TTC39B: variants seen among roughly 807,000 people sequenced by gnomAD.
TTC39B encodes tetratricopeptide repeat protein 39B.
TTC39B carries 92 observed loss-of-function variants against 96.6 expected under a neutral mutation model. The observed-to-expected ratio is 0.95, with a 90% CI of 0.80 to 1.13. The LOEUF is 1.13. TTC39B is among the 50% of genes most tolerant of loss of function. The pLI, the probability that TTC39B is intolerant of heterozygous loss-of-function variation, is 0.00. For synonymous variants in TTC39B, 367 were observed against 299.4 expected, an observed-to-expected ratio of 1.23 and a Z score of -2.33; for missense variants, 955 against 809.3, an observed-to-expected ratio of 1.18 and a Z score of -2.18.
intron 2 of TTC39B, chr9:15,249,870 A>T (rs756112177): frequency 8.4e-7 from 1 of 1,186,098 alleles, no homozygotes; most frequent in South Asian, 1.6e-5. Flanking sequence ...TAAAGAGAAC[A>T]TTTGAATCAT....
At chr9:15,239,611 G>C (rs142112835) in intron 2 of TTC39B, among the ~76,000 whole-genome samples, 1 of 152,128 alleles carries the variant, frequency 6.6e-6, no homozygotes, top group East Asian at 1.9e-4. Context: ...TCATCTTTGC[G>C]GCAACTTGAA....
chr9:15,283,765 G>A lies in TTC39B; in HGVS notation c.241-15817C>T, dbSNP rs1352874592. ...TTTATTATTCAGTTACGATTTTACA[G>A]TAGAGAGAAAATATTTAATAACTGA... On this transcript the variant is annotated intron_variant, in intron 1 of 19. Transcript: ENST00000512701. Among the ~76,000 whole-genome samples, 3 of 152,214 alleles carry A rather than the reference G, an allele frequency of 2.0e-5. No individual in the cohort carries two copies. In the East Asian group the frequency reaches 5.8e-4, roughly 29 times the overall value.
At chr9:15,185,500 C>A in intron 15 of TTC39B, 94 bp from the exon 16 acceptor site, 1 of 1,476,448 alleles carries the variant, frequency 6.8e-7, no homozygotes, top group African/African-American at 1.4e-5. Context: ...CACAGACCAC[C>A]AGCAGCAGCA....
exon 20 of TTC39B, chr9:15,169,465 G>A (rs1313425223): frequency 6.6e-6 from 1 of 151,712 alleles, no homozygotes; most frequent in Non-Finnish European, 1.5e-5. Context: ...AGGCAATTAT[G>A]CCAGGAACTA....
At chr9:15,276,708 T>C (rs1823557026) in intron 1 of TTC39B, among the ~76,000 whole-genome samples, 1 of 152,228 alleles carries the variant, frequency 6.6e-6, no homozygotes, top group African/African-American at 2.4e-5. Flanking sequence ...AGGTTAGACC[T>C]GTCTGGGACT....
intron 17 of TTC39B, among the ~76,000 whole-genome samples, chr9:15,179,932 G>A (rs1019857142): frequency 7.9e-5 from 12 of 152,138 alleles, no homozygotes; most frequent in Non-Finnish European, 1.6e-4. Context: ...TATTTCCTCC[G>A]ACTACAGACC....
At chr9:15,207,527 G>C (rs1819933875) in intron 6 of TTC39B, among the ~76,000 whole-genome samples, 2 of 152,088 alleles carry the variant, frequency 1.3e-5, no homozygotes, top group African/African-American at 2.4e-5. Flanking sequence ...TTGTGGCTTA[G>C]GGAAAGGCAG....
rs1398895625 is a variant in TTC39B at position 15,177,591 on chromosome 9, G to C, written c.1841+106C>G. 4 of 721,254 alleles carry C rather than the reference G, an allele frequency of 5.5e-6. No individual in the cohort carries two copies. The African/African-American group carries it at 7.2e-5, about 13-fold the overall frequency. The allele number at this position is 721,254 out of a possible 1,614,324, so 44.7% of individuals were successfully genotyped here. ...TGGATTTTCTTTCTGGTAACACCAA[G>C]TAAGAGTTTAGCAGTAAGAGATAAA... On this transcript the variant is annotated intron_variant, in intron 18 of 19. Transcript: ENST00000512701.
exon 20 of TTC39B, chr9:15,164,889 C>G (rs907570318): frequency 6.6e-6 from 1 of 152,138 alleles, no homozygotes; most frequent in African/African-American, 2.4e-5. Flanking sequence ...AAAGAGAACC[C>G]AACAGTGCTT....
intron 2 of TTC39B, chr9:15,250,228 G>C (rs1449141932): frequency 9.2e-7 from 1 of 1,090,344 alleles, no homozygotes; most frequent in East Asian, 7.9e-5. Context: ...TGCAGGAAGG[G>C]ATGCCGGGAG....
At chr9:15,173,018 G>A (rs920242570) in intron 19 of TTC39B, among the ~76,000 whole-genome samples, 15 of 152,130 alleles carry the variant, frequency 9.9e-5, no homozygotes, top group African/African-American at 3.6e-4. Context: ...TAATAGTCTT[G>A]GAATTACTGG....
chr9:15,210,212 C>T, intron 5 of TTC39B, 48 bp from the exon 6 acceptor site: 1 of 1,256,386 alleles, frequency 8.0e-7, no homozygotes, highest in South Asian at 1.3e-5. Flanking sequence ...AAAAAAAAAT[C>T]AGGCTGAGCT....
intron 4 of TTC39B, among the ~76,000 whole-genome samples, chr9:15,213,925 A>C (rs1237645816): frequency 6.6e-6 from 1 of 152,226 alleles, no homozygotes; most frequent in African/African-American, 2.4e-5. Flanking sequence ...GAGAGATTAA[A>C]ATATGCAAAA....
chr9:15,199,993 TGTTTGTGTGATTAGAAAAACAAAAAC>T lies in TTC39B; in HGVS notation c.760-94_760-69del. 4.7e-6 allele frequency: 4 copies of T among 858,388 alleles called. No homozygotes were observed. In the Middle Eastern group the frequency reaches 7.1e-4, roughly 152 times the overall value. The allele number at this position is 858,388 out of a possible 1,614,324, so 53.2% of individuals were successfully genotyped here. A position where few individuals can be genotyped will look rare whatever the true frequency, so the allele number is the denominator to read the frequency against. On this transcript the variant is annotated intron_variant, in intron 7 of 19. Transcript: ENST00000512701. ...ATTTTAAATTGTCCCCACAGTTGTG[TGTTTGTGTGATTAGAAAAACAAAAAC>T]AAACAAACAAAAAAAAGTATTTTGA...
chr9:15,213,948 T>G (rs879284621), intron 4 of TTC39B, among the ~76,000 whole-genome samples, 191 bp downstream of exon 4: 5 of 152,186 alleles, frequency 3.3e-5, no homozygotes, highest in Admixed American at 2.0e-4. Flanking sequence ...ATCAGAAATT[T>G]TCTATTAATT....
exon 20 of TTC39B, chr9:15,163,793 G>A (rs118148138): frequency 6.6e-6 from 1 of 152,272 alleles, no homozygotes; most frequent in East Asian, 1.9e-4. Context: ...TGACTTTCAA[G>A]TCAGGATGAT....
chr9:15,218,578 T>C (rs1820657502), intron 3 of TTC39B, among the ~76,000 whole-genome samples: 1 of 140,982 alleles, frequency 7.1e-6, no homozygotes, highest in African/African-American at 2.8e-5. Context: ...ACTCCTCATG[T>C]TTCTAATTTA....
At chr9:15,303,881 C>A (rs752368067) in intron 1 of TTC39B, among the ~76,000 whole-genome samples, 26 of 152,092 alleles carry the variant, frequency 1.7e-4, no homozygotes, top group Non-Finnish European at 2.9e-5. Context: ...GTGATCCACC[C>A]GCCTCAGCCT....
intron 1 of TTC39B, among the ~76,000 whole-genome samples, chr9:15,289,181 T>C (rs1051241376): frequency 2.0e-4 from 31 of 152,190 alleles, no homozygotes; most frequent in Admixed American, 2.0e-3. Flanking sequence ...AAAAGGACAT[T>C]TACCAGTGTT....
Sources: gnomAD v4.1 joint callset for allele counts (sites outside exome capture counted in the v4.1 genomes callset) on GRCh38, gnomAD v4.1.1 for gene constraint, MANE v1.5 for transcripts, NCBI Gene and HGNC (gene_info 2026-07-23, HGNC 2026-07-21) for gene names.